Variants in TBXAS1 observed in about 807,000 individuals in gnomAD.
TBXAS1 encodes the protein thromboxane-A synthase.
In TBXAS1, 48 loss-of-function variants were observed where a neutral mutation model predicts 60.7. The ratio of observed to expected loss-of-function variants is 0.79; its 90% CI spans 0.63 to 1.01. The LOEUF (loss-of-function observed/expected upper bound fraction) is 1.01. TBXAS1 is among the 50% of genes least tolerant of loss of function. The pLI is 0.00. For synonymous variants in TBXAS1, 287 were observed against 269.7 expected (o/e 1.06, Z -0.63); for missense variants, 685 against 686.3 (o/e 1.00, Z 0.02).
rs111511717 is a variant in TBXAS1 at position 139,836,874 on chromosome 7, G to A, written c.89+7395G>A. Among the ~76,000 whole-genome samples the A allele has an allele frequency of 2.6e-5, 4 of 152,262 alleles. No homozygotes were observed. In the East Asian group the frequency reaches 7.7e-4, roughly 29 times the overall value. On this transcript the variant is annotated intron_variant, in intron 1 of 12. Coordinates refer to ENST00000448866, the MANE Select transcript of TBXAS1 (RefSeq NM_001061.7). ...AAAGGAACAGTCAGCAGAGTAAACA[G>A]ACAACCCAGAGTGGGAAGAAATCTT...
intron 4 of TBXAS1, among the ~76,000 whole-genome samples, chr7:139,812,961 G>A (rs539682181): frequency 9.0e-4 from 137 of 152,138 alleles, no homozygotes; most frequent in African/African-American, 3.2e-3. Flanking sequence ...GGAGACTGAG[G>A]CAGGAGAATC....
At chr7:139,983,177 T>C (rs78011817) in intron 9 of TBXAS1, among the ~76,000 whole-genome samples, 2,736 of 152,320 alleles carry the variant, frequency 0.018, 54 homozygotes, top group African/African-American at 0.053. Flanking sequence ...ATTGTCTTGG[T>C]ACGCACCCTC....
rs1433343379 is a variant in TBXAS1 at position 139,896,400 on chromosome 7, G to T, written c.237-14825G>T. Among the ~76,000 whole-genome samples the T allele has an allele frequency of 3.3e-5, 5 of 152,130 alleles. No homozygotes were observed. The highest frequency in any genetic ancestry group is 9.7e-5 in the African/African-American group (4 of 41,430). ...AATACTTGCAAAGAGGCAGAGCAGG[G>T]GGAATACTGCACATCTGGGGAACCA... On this transcript the variant is annotated intron_variant, in intron 3 of 12. Transcript: ENST00000448866. This position sits in a 1 kb window ranked among gnomAD's most constrained non-coding sequence, Gnocchi z 4.0.
chr7:139,989,137 G>A (rs966288687), intron 9 of TBXAS1, among the ~76,000 whole-genome samples: 6 of 152,258 alleles, frequency 3.9e-5, no homozygotes, highest in African/African-American at 1.4e-4. Context: ...CGTGGGCACT[G>A]AGCTCTTTTC....
chr7:140,007,699 G>A (rs1047290723), intron 10 of TBXAS1, among the ~76,000 whole-genome samples: 10 of 152,060 alleles, frequency 6.6e-5, no homozygotes, highest in African/African-American at 2.4e-4. Context: ...GCTCCAACAC[G>A]ACTCACCCTC....
intron 1 of TBXAS1, among the ~76,000 whole-genome samples, chr7:139,833,025 C>G (rs541646752): frequency 6.6e-6 from 1 of 152,220 alleles, no homozygotes; most frequent in East Asian, 1.9e-4. Flanking sequence ...ATAAATCACA[C>G]AGGACCCATA....
At chr7:139,838,871 G>A (rs1400161409) in intron 1 of TBXAS1, among the ~76,000 whole-genome samples, 1 of 152,122 alleles carries the variant, frequency 6.6e-6, no homozygotes, top group Non-Finnish European at 1.5e-5. Context: ...TGTATTAGCT[G>A]GAAGTACATG....
At chr7:139,860,169 T>C (rs1251475044) in intron 1 of TBXAS1, among the ~76,000 whole-genome samples, 1 of 152,054 alleles carries the variant, frequency 6.6e-6, no homozygotes, top group African/African-American at 2.4e-5. Flanking sequence ...GAATATGTAT[T>C]CTTGGCTGTT....
At chr7:139,813,804 A>G (rs1798082955) in intron 4 of TBXAS1, among the ~76,000 whole-genome samples, 1 of 152,200 alleles carries the variant, frequency 6.6e-6, no homozygotes, top group Admixed American at 6.5e-5. Flanking sequence ...TTCTGCCAAA[A>G]TGAGGTGTGA....
At chr7:139,927,818 C>T (rs894598041) in intron 4 of TBXAS1, among the ~76,000 whole-genome samples, 5 of 151,884 alleles carry the variant, frequency 3.3e-5, no homozygotes, top group Non-Finnish European at 7.4e-5. Context: ...TAGTTTGTTG[C>T]CCATGTGTAG....
chr7:139,916,412 C>T lies in TBXAS1; in HGVS notation c.333+5091C>T, dbSNP rs1805974186. 6.6e-6 allele frequency among the ~76,000 whole-genome samples: 1 copy of T among 152,178 alleles called. No individual in the cohort carries two copies. The highest frequency in any genetic ancestry group is 2.4e-5 in the African/African-American group (1 of 41,440). On this transcript the variant is annotated intron_variant, in intron 4 of 12. Transcript: ENST00000448866. This position sits in a 1 kb window ranked among gnomAD's most constrained non-coding sequence, Gnocchi z 4.2. ...AGTGGCAGTATGGAGTGCCATCTCT[C>T]AGGTCCTCATGAGCAACACAGAGGT...
chr7:139,856,914 A>G (rs193008418), intron 1 of TBXAS1, among the ~76,000 whole-genome samples: 46 of 152,320 alleles, frequency 3.0e-4, no homozygotes, highest in African/African-American at 1.0e-3. Flanking sequence ...TATGGCGTCA[A>G]CACCAATGGA....
chr7:140,010,952 T>C (rs1035324156), intron 10 of TBXAS1, among the ~76,000 whole-genome samples: 2 of 151,204 alleles, frequency 1.3e-5, no homozygotes, highest in Admixed American at 6.6e-5. Flanking sequence ...CAAAATAGCA[T>C]GCTTATACAA....
chr7:139,918,202 T>A (rs2299891), intron 4 of TBXAS1, among the ~76,000 whole-genome samples: 87,131 of 152,042 alleles, frequency 0.57, 26,612 homozygotes, highest in East Asian at 0.67. Context: ...CCAGATTTGC[T>A]ACCTCTTATT....
intron 5 of TBXAS1, among the ~76,000 whole-genome samples, chr7:139,939,080 A>G (rs1176998800): frequency 2.0e-5 from 3 of 152,212 alleles, no homozygotes; most frequent in Non-Finnish European, 4.4e-5. Flanking sequence ...AGATGCCAAG[A>G]GAAGCCAGGC....
intron 1 of TBXAS1, among the ~76,000 whole-genome samples, chr7:139,841,055 G>A (rs1008825488): frequency 2.0e-5 from 3 of 152,252 alleles, no homozygotes; most frequent in Admixed American, 6.5e-5. Flanking sequence ...GGCGGCTGCT[G>A]CTTCTTCTGC....
At chr7:139,805,671 TTTC>T (rs1797832376) in intron 4 of TBXAS1, among the ~76,000 whole-genome samples, 1 of 44,146 alleles carries the variant, frequency 2.3e-5, no homozygotes, top group Non-Finnish European at 4.4e-5. Flanking sequence ...TCTTTCTTTC[TTTC>T]TTTCTTTCTT....
chr7:139,889,204 TGC>T (rs1171510119), intron 3 of TBXAS1, among the ~76,000 whole-genome samples: 14 of 151,698 alleles, frequency 9.2e-5, no homozygotes, highest in Non-Finnish European at 7.4e-5. Flanking sequence ...TGGTGGCATG[TGC>T]GCCTGTTGTC....
At chr7:139,997,558 C>A (rs1314044938) in intron 9 of TBXAS1, among the ~76,000 whole-genome samples, 1 of 152,020 alleles carries the variant, frequency 6.6e-6, no homozygotes, top group African/African-American at 2.4e-5. Context: ...CTATTTCCCC[C>A]TCCCCCCACT....
Sources: allele counts gnomAD v4.1 joint callset (sites outside exome capture counted in the v4.1 genomes callset), GRCh38; gene constraint gnomAD v4.1.1; non-coding constraint Gnocchi (gnomAD v3.1); transcripts MANE v1.5; gene names NCBI Gene and HGNC (gene_info 2026-07-23, HGNC 2026-07-21).